MON2: variants seen among roughly 807,000 people sequenced by gnomAD.
The protein encoded by MON2 is protein MON2 homolog.
In MON2, 84 loss-of-function variants were observed where a neutral mutation model predicts 208.6. The ratio of observed to expected loss-of-function variants is 0.40; its 90% CI spans 0.34 to 0.48. The LOEUF is 0.48. MON2 is among the 20% of genes least tolerant of loss of function. The pLI is 0.59. For missense variants in MON2, 1,611 were observed against 2,015.4 expected, an observed-to-expected ratio of 0.80 and a Z score of 3.84; for synonymous variants, 660 against 694.0, an observed-to-expected ratio of 0.95 and a Z score of 0.77.
intron 34 of MON2, among the ~76,000 whole-genome samples, chr12:62,590,651 C>T (rs2075369598): frequency 6.6e-6 from 1 of 152,130 alleles, no homozygotes; most frequent in African/African-American, 2.4e-5. Flanking sequence ...CGGTTTTGTA[C>T]ACAAATGAAT....
chr12:62,537,685 ACTTGT>A lies in MON2; in HGVS notation c.2102_2106del (p.Val701GlyfsTer15). The A allele has an allele frequency of 6.2e-7, 1 of 1,612,760 alleles. No homozygotes were observed. Among genetic ancestry groups the A allele is most frequent in the Non-Finnish European group, 8.5e-7 (1 of 1,179,450 alleles). ...GGGCTGTTCTTGGAACATCATGGCA[ACTTGT>A]CTTGGCAACTCTTCAGGTATGTAAA... On this transcript the variant is annotated frameshift_variant, in exon 16 of 35. Transcript: ENST00000393630. LOFTEE classifies it high-confidence loss of function.
In MON2 at chr12:62,484,337, T is replaced by G. The variant is rs1036567501; in HGVS notation, c.175+104T>G. On this transcript the variant is annotated intron_variant, in intron 2 of 34. Transcript: ENST00000393630. ...ATCAGTTTTCTGTAACATCTCTTCC[T>G]CATGCCCTAACATATGCTATTCATA... The G allele has an allele frequency of 4.2e-6, 3 of 708,642 alleles. No individual in the cohort carries two copies. The African/African-American group carries it at 5.4e-5, about 13-fold the overall frequency. The allele number at this position is 708,642 out of a possible 1,614,324, so 43.9% of individuals were successfully genotyped here.
intron 2 of MON2, among the ~76,000 whole-genome samples, chr12:62,484,541 C>T (rs1355741802): frequency 6.6e-6 from 1 of 152,160 alleles, no homozygotes; most frequent in East Asian, 1.9e-4. Context: ...CTGAGACACA[C>T]CATAAAAAGC....
intron 30 of MON2, among the ~76,000 whole-genome samples, chr12:62,572,939 A>C (rs1388345441): frequency 1.3e-5 from 2 of 152,212 alleles, no homozygotes; most frequent in Admixed American, 6.5e-5. Context: ...TAACTGAAAA[A>C]AATTTTCTTT....
intron 25 of MON2, among the ~76,000 whole-genome samples, chr12:62,556,639 CAGG>C (rs961738136): frequency 4.3e-4 from 65 of 152,012 alleles, no homozygotes; most frequent in Middle Eastern, 3.4e-3. Flanking sequence ...GTAAAAGAGA[CAGG>C]AGAAGATTGA....
intron 1 of MON2, among the ~76,000 whole-genome samples, chr12:62,479,335 T>A (rs117934637): frequency 0.044 from 6,687 of 152,090 alleles, 214 homozygotes; most frequent in Non-Finnish European, 0.059. Context: ...TCTTCCCATA[T>A]AATTTCAGTC....
intron 2 of MON2, among the ~76,000 whole-genome samples, chr12:62,488,302 A>C (rs1242566800): frequency 6.6e-6 from 1 of 152,144 alleles, no homozygotes; most frequent in Non-Finnish European, 1.5e-5. Flanking sequence ...CAGCCTGGGA[A>C]TCTGAGACTG....
In MON2 at chr12:62,534,918, T is replaced by C. The variant is rs1005666826; in HGVS notation, c.1707T>C (p.Leu569=). The change falls in exon 13 of 35, where the codon CTT becomes CTC. Residue 569 remains leucine (L), a synonymous_variant. Transcript: ENST00000393630. ...TTCTTGCTGCACTCTCACTCCTTCT[T>C]GATGCCAGGTATTAAGTCTTTGTAA... ...CGLLAALSLL[L]DASTDEAATE... 2 of 1,610,218 alleles carry C rather than the reference T, an allele frequency of 1.2e-6. No homozygotes were observed. Among genetic ancestry groups the C allele is most frequent in the Admixed American group, 1.7e-5 (1 of 59,960 alleles).
intron 21 of MON2, 74 bp from the exon 22 acceptor site, chr12:62,546,823 C>A: frequency 8.7e-7 from 1 of 1,147,798 alleles, no homozygotes; most frequent in Non-Finnish European, 1.2e-6. Flanking sequence ...TGAATTTAAA[C>A]TTGAAAAGCA....
intron 8 of MON2, 34 bp from the exon 9 acceptor site, chr12:62,524,481 C>T (rs745408598): frequency 1.3e-6 from 2 of 1,534,644 alleles, no homozygotes; most frequent in East Asian, 2.3e-5. Flanking sequence ...CTCTTTGATT[C>T]AAAGAAATAG....
At position 62,594,905 on chromosome 12, in the gene MON2, CAA is replaced by C. The variant is rs1044307683; in HGVS notation, c.*2157_*2158del. On this transcript the variant is annotated 3_prime_UTR_variant, in exon 35 of 35. Coordinates refer to ENST00000393630, the MANE Select transcript of MON2 (RefSeq NM_015026.3). ...CTCCAGAATATTTCCTGTCACCCTC[CAA>C]GAGTCACTACAGTAATTGATTGCTG... The C allele has an allele frequency of 8.5e-5, 13 of 152,220 alleles. No individual in the cohort carries two copies. Among genetic ancestry groups the C allele is most frequent in the African/African-American group, 3.1e-4 (13 of 41,532 alleles). The allele number at this position is 152,220 out of a possible 1,614,324, so 9.4% of individuals were successfully genotyped here. A position where few individuals can be genotyped will look rare whatever the true frequency, so the allele number is the denominator to read the frequency against.
chr12:62,591,991 G>A (rs2075410848), intron 34 of MON2, among the ~76,000 whole-genome samples: 1 of 152,140 alleles, frequency 6.6e-6, no homozygotes, highest in Admixed American at 6.5e-5. Context: ...ATAGCATTTA[G>A]CTGTACTATT....
At chr12:62,587,661 G>A (rs2075261168) in intron 33 of MON2, among the ~76,000 whole-genome samples, 1 of 151,912 alleles carries the variant, frequency 6.6e-6, no homozygotes. Context: ...AGGATCACTT[G>A]AGCGCAAGTC....
Position 62,501,641 on chromosome 12 carries a change from G to T in MON2, c.732G>T (p.Thr244=), listed in dbSNP as rs199633652. The T allele has an allele frequency of 6.2e-7, 1 of 1,614,110 alleles. No homozygotes were observed. Among genetic ancestry groups the T allele is most frequent in the Non-Finnish European group, 8.5e-7 (1 of 1,179,972 alleles). The change falls in exon 7 of 35, where the codon ACG becomes ACT. Residue 244 remains threonine (T), a synonymous_variant. Transcript: ENST00000393630. ...WLVGMTEMTR[T]FGLELLESVL... is the part of the protein sequence containing the mutation. ...TGGGCATGACAGAAATGACTCGGAC[G>T]TTTGGCCTCGAATTACTTGAGTCAG... is the stretch of plus-strand genomic sequence containing the variant.
At chr12:62,554,718 ACT>A (rs2073893783) in intron 24 of MON2, among the ~76,000 whole-genome samples, 1 of 151,696 alleles carries the variant, frequency 6.6e-6, no homozygotes. Context: ...CTGTTCTCAA[ACT>A]CTAGGCTTCA....
At chr12:62,555,950 T>G (rs754255928) in intron 24 of MON2, 44 bp from the exon 25 acceptor site, 9 of 1,395,480 alleles carry the variant, frequency 6.4e-6, no homozygotes, top group Non-Finnish European at 9.0e-6. Flanking sequence ...TTACTTAAGC[T>G]ATATTATCAA....
At position 62,549,664 on chromosome 12, in the gene MON2, T is replaced by C. The variant is rs374275096; in HGVS notation, c.2754-4T>C. 1.3e-6 allele frequency: 2 copies of C among 1,583,206 alleles called. No individual in the cohort carries two copies. The highest frequency in any genetic ancestry group is 1.2e-5 in the South Asian group (1 of 85,336). On this transcript the variant is annotated splice_polypyrimidine_tract_variant and splice_region_variant and intron_variant, in intron 22 of 34. Coordinates refer to ENST00000393630, the MANE Select transcript of MON2 (RefSeq NM_015026.3). ...GCATCTGTATACATTTCTTTTGTTT[T>C]CAGAGAATCCTTGATACGAACTGCA...
At chr12:62,561,151 G>T in intron 26 of MON2, 38 bp downstream of exon 26, 1 of 1,504,928 alleles carries the variant, frequency 6.6e-7, no homozygotes, top group Non-Finnish European at 8.9e-7. Flanking sequence ...ACTGCATATA[G>T]TTCTCTGAAA....
intron 26 of MON2, among the ~76,000 whole-genome samples, chr12:62,562,348 C>T (rs1396731833): frequency 2.0e-5 from 3 of 150,974 alleles, no homozygotes; most frequent in Non-Finnish European, 4.4e-5. Context: ...TTTTAAAAAA[C>T]TCTGCTTTAG....
Sources: gnomAD v4.1 joint callset for allele counts (sites outside exome capture counted in the v4.1 genomes callset) on GRCh38, gnomAD v4.1.1 for gene constraint, MANE v1.5 for transcripts, NCBI Gene and HGNC (gene_info 2026-07-23, HGNC 2026-07-21) for gene names.